Variants in SP140 observed in about 807,000 individuals in gnomAD.
The protein encoded by SP140 is nuclear body protein SP140.
In SP140, 81 loss-of-function variants were observed where a neutral mutation model predicts 125.0. That is an observed-to-expected ratio of 0.65 (90% CI 0.54 to 0.78). The LOEUF is 0.78. Ranked by LOEUF, SP140 falls within the 30% of genes least tolerant of loss-of-function variation. SP140 has a pLI of 0.00. For synonymous variants in SP140, 312 were observed against 354.0 expected (o/e 0.88, Z 1.33); for missense variants, 858 against 1,037.0 (o/e 0.83, Z 2.37).
intron 12 of SP140, among the ~76,000 whole-genome samples, chr2:230,259,514 C>CT (rs1224381534): frequency 7.1e-6 from 1 of 140,880 alleles, no homozygotes; most frequent in Non-Finnish European, 1.6e-5. Context: ...CCCGCCTCCG[C>CT]TAAAAAAAAA....
intron 22 of SP140, among the ~76,000 whole-genome samples, chr2:230,301,097 A>G (rs982347075): frequency 1.3e-5 from 2 of 152,212 alleles, no homozygotes; most frequent in African/African-American, 2.4e-5. Flanking sequence ...CAATCCAACA[A>G]GAAAAAAGAA....
intron 18 of SP140, 94 bp from the exon 19 acceptor site, chr2:230,290,366 A>G (rs2056974000): frequency 5.3e-6 from 6 of 1,126,984 alleles, no homozygotes; most frequent in South Asian, 1.4e-5. Context: ...AGAATTTCCT[A>G]AGTATCCCTC....
intron 1 of SP140, among the ~76,000 whole-genome samples, chr2:230,236,484 G>A (rs2149098856): frequency 6.6e-6 from 1 of 152,338 alleles, no homozygotes; most frequent in African/African-American, 2.4e-5. Flanking sequence ...TATGAAGGCT[G>A]GCAAGTCCAA....
intron 18 of SP140, among the ~76,000 whole-genome samples, chr2:230,288,297 A>G (rs1199818752): frequency 6.6e-6 from 1 of 152,234 alleles, no homozygotes; most frequent in Non-Finnish European, 1.5e-5. Flanking sequence ...CTGACTACTC[A>G]GAAAGCCACA....
intron 15 of SP140, among the ~76,000 whole-genome samples, chr2:230,280,510 A>G (rs927572996): frequency 2.6e-5 from 4 of 152,052 alleles, no homozygotes; most frequent in African/African-American, 4.8e-5. Context: ...ATACGGACCT[A>G]TATCTTCTGT....
chr2:230,299,541 AGGC>A (rs1394206150), intron 22 of SP140, among the ~76,000 whole-genome samples: 1 of 152,196 alleles, frequency 6.6e-6, no homozygotes, highest in East Asian at 1.9e-4. Context: ...GGGGAGAAGG[AGGC>A]TTCCAGCTGA....
chr2:230,221,093 C>A (rs2045777620), upstream of SP140, among the ~76,000 whole-genome samples: 1 of 151,740 alleles, frequency 6.6e-6, no homozygotes, highest in African/African-American at 2.4e-5. Context: ...CCATCCTGGC[C>A]AACATGGTGA....
rs2044508846 is a variant in SP140, at chr2:230,211,773, T to C, written c.-322-1881T>C. Among the ~76,000 whole-genome samples the C allele has an allele frequency of 6.6e-6, 1 of 152,162 alleles. No homozygotes were observed. Among genetic ancestry groups the C allele is most frequent in the African/African-American group, 2.4e-5 (1 of 41,434 alleles). ...TAGCTTCCTGATTATGTTAACCTTT[T>C]TGGATGGTAGGTATTAGAGGAGTGG... On this transcript the variant is annotated intron_variant, in intron 1 of 4. Coordinates refer to the SP140 transcript ENST00000456542. This position sits in a 1 kb window ranked among gnomAD's most constrained non-coding sequence, Gnocchi z 4.2.
At chr2:230,212,328 C>G (rs774239804) in intron 1 of SP140, 1 of 1,581,714 alleles carries the variant, frequency 6.3e-7, no homozygotes, top group Non-Finnish European at 8.7e-7. Flanking sequence ...TAAGCGGTAT[C>G]AGCCCCAGTC....
intron 19 of SP140, among the ~76,000 whole-genome samples, chr2:230,291,785 C>A (rs1364054976): frequency 1.3e-5 from 2 of 152,194 alleles, no homozygotes; most frequent in African/African-American, 4.8e-5. Flanking sequence ...AGAGGAATGA[C>A]TACATCGTAT....
rs78296211 is a variant in SP140, at chr2:230,295,429, A to G, written c.2016+1111A>G. Among the ~76,000 whole-genome samples, 24 of 152,356 alleles carry G rather than the reference A, an allele frequency of 1.6e-4. No homozygotes were observed. The East Asian group carries it at 4.6e-3, about 29-fold the overall frequency. ...TTCAGTGACTACACTAAAGACCAGC[A>G]TCTCTACCTTTCACCGGGTGCCAAG... On this transcript the variant is annotated intron_variant, in intron 21 of 26. Transcript: ENST00000392045.
intron 8 of SP140, among the ~76,000 whole-genome samples, chr2:230,248,325 G>A (rs1559250763): frequency 6.6e-6 from 1 of 152,224 alleles, no homozygotes; most frequent in East Asian, 1.9e-4. Context: ...GTGGGCACCA[G>A]TGTCCTGGAT....
intron 26 of SP140, among the ~76,000 whole-genome samples, chr2:230,312,121 C>T (rs2059378174): frequency 1.3e-5 from 2 of 152,166 alleles, no homozygotes; most frequent in African/African-American, 4.8e-5. Flanking sequence ...AAATAAGCAA[C>T]CAAAGGCAAA....
upstream of SP140, chr2:230,221,812 A>AAAAC (rs1470762361): frequency 1.6e-6 from 2 of 1,235,414 alleles, no homozygotes; most frequent in Non-Finnish European, 2.3e-6. Context: ...AGGCAAATGC[A>AAAAC]AAACAAACAA....
chr2:230,250,925 G>C, intron 9 of SP140, 56 bp from the exon 10 acceptor site: 1 of 1,595,046 alleles, frequency 6.3e-7, no homozygotes, highest in Non-Finnish European at 8.6e-7. Flanking sequence ...AGCTTCCCAC[G>C]TCTTCACTAA....
chr2:230,215,238 A>G (rs2044979564), intron 3 of SP140: 2 of 799,112 alleles, frequency 2.5e-6, no homozygotes, highest in Middle Eastern at 3.4e-4. Context: ...AATTCAACAT[A>G]AAATATATAG....
rs1317319309 is a variant in SP140 at position 230,241,401 on chromosome 2, C to T, written c.407-3C>T. ...TTGGTAATTTTCACATTGTTTTCCT[C>T]AGTATGCTATGAACACTCACCTCTC... On this transcript the variant is annotated splice_polypyrimidine_tract_variant and splice_region_variant and intron_variant, in intron 3 of 26. Transcript: ENST00000392045. 5 of 1,569,768 alleles carry T rather than the reference C, an allele frequency of 3.2e-6. No individual in the cohort carries two copies. Among genetic ancestry groups the T allele is most frequent in the African/African-American group, 1.4e-5 (1 of 73,898 alleles).
chr2:230,248,742 AAG>A, intron 8 of SP140, 141 bp from the exon 9 acceptor site: 2 of 643,638 alleles, frequency 3.1e-6, no homozygotes, highest in South Asian at 2.0e-5. Flanking sequence ...GAGAAGGAGA[AAG>A]AGGAGCTGCA....
At chr2:230,250,743 A>C (rs114589950) in intron 9 of SP140, among the ~76,000 whole-genome samples, 2 of 152,040 alleles carry the variant, frequency 1.3e-5, no homozygotes, top group Non-Finnish European at 2.9e-5. Flanking sequence ...GGGGAGGGGG[A>C]GAAGGAGAGA....
Sources: allele counts gnomAD v4.1 joint callset (sites outside exome capture counted in the v4.1 genomes callset), GRCh38; gene constraint gnomAD v4.1.1; non-coding constraint Gnocchi (gnomAD v3.1); transcripts MANE v1.5; gene names NCBI Gene and HGNC (gene_info 2026-07-23, HGNC 2026-07-21).